The following ZNF670 variants were observed in gnomAD, a reference collection of about 807,000 sequenced individuals.
ZNF670 encodes the protein zinc finger protein 670.
In ZNF670, 7 loss-of-function variants were observed where a neutral mutation model predicts 10.9. The observed-to-expected ratio is 0.64, with a 90% CI of 0.36 to 1.20. ZNF670 has a LOEUF of 1.20. Ranked by LOEUF, ZNF670 falls within the 50% of genes most tolerant of loss-of-function variation. ZNF670 has a pLI of 0.02. For missense variants in ZNF670, 446 were observed against 458.6 expected, an observed-to-expected ratio of 0.97 and a Z score of 0.25; for synonymous variants, 136 against 152.7, an observed-to-expected ratio of 0.89 and a Z score of 0.81.
intron 1 of ZNF670, among the ~76,000 whole-genome samples, chr1:247,073,851 C>T (rs1234641090): frequency 6.6e-6 from 1 of 152,132 alleles, no homozygotes; most frequent in East Asian, 1.9e-4. Context: ...TCCCATCACC[C>T]CTTCCTCAGG....
intron 1 of ZNF670, among the ~76,000 whole-genome samples, chr1:247,062,380 T>C (rs766125232): frequency 3.3e-5 from 5 of 152,174 alleles, no homozygotes; most frequent in Admixed American, 1.3e-4. Flanking sequence ...TGTTAACAAA[T>C]AAAATATAAA....
chr1:247,064,325 G>A (rs1017846274), intron 1 of ZNF670, among the ~76,000 whole-genome samples: 4 of 152,212 alleles, frequency 2.6e-5, no homozygotes, highest in African/African-American at 4.8e-5. Context: ...CTGCTGAATT[G>A]TAGAATGCTA....
At chr1:247,055,867 A>G (rs987774938) in intron 1 of ZNF670, among the ~76,000 whole-genome samples, 1 of 152,240 alleles carries the variant, frequency 6.6e-6, no homozygotes, top group Admixed American at 6.5e-5. Flanking sequence ...AGCTATACTT[A>G]TATCAGATGA....
At chr1:247,071,917 G>T (rs1671125623) in intron 1 of ZNF670, among the ~76,000 whole-genome samples, 1 of 149,302 alleles carries the variant, frequency 6.7e-6, no homozygotes, top group South Asian at 2.1e-4. Flanking sequence ...GAGTGCAGTG[G>T]TGCAATCTCG....
At chr1:247,051,131 A>G (rs1221202131) in intron 1 of ZNF670, among the ~76,000 whole-genome samples, 4 of 150,792 alleles carry the variant, frequency 2.7e-5, no homozygotes, top group South Asian at 2.1e-4. Flanking sequence ...ACATGGTGAA[A>G]CCCCGTCTCT....
At chr1:247,042,716 A>G (rs1670346331) in intron 1 of ZNF670, 1 of 360,594 alleles carries the variant, frequency 2.8e-6, no homozygotes, top group East Asian at 6.8e-5. Context: ...ATGGAGACAG[A>G]CACTTCTGAT....
rs1670250290 is a variant in ZNF670 at position 247,039,346 on chromosome 1, C to T, written c.130+65G>A. On this transcript the variant is annotated intron_variant, in intron 2 of 3. Coordinates refer to ENST00000366503, the MANE Select transcript of ZNF670 (RefSeq NM_033213.5). The stretch of plus-strand genomic sequence containing the variant: ...AAAGTGCTGGGATTACAGGTGTGAG[C>T]CACCACGCCCAGCCAAAACACTTGC... The T allele has an allele frequency of 3.8e-6, 6 of 1,565,568 alleles. No homozygotes were observed. The South Asian group carries it at 4.7e-5, about 12-fold the overall frequency.
intron 1 of ZNF670, among the ~76,000 whole-genome samples, chr1:247,041,926 AAAAGTAGCC>A (rs1368169631): frequency 2.0e-5 from 3 of 152,354 alleles, no homozygotes; most frequent in East Asian, 3.9e-4. Context: ...AAAAATGCAA[AAAAGTAGCC>A]AAACAATCAC....
intron 1 of ZNF670, among the ~76,000 whole-genome samples, chr1:247,077,015 T>A (rs1325664089): frequency 6.6e-6 from 1 of 152,244 alleles, no homozygotes. Context: ...TTGCACCACC[T>A]CACTGGGGTG....
At chr1:247,038,520 A>G in intron 3 of ZNF670, 93 bp from the exon 4 acceptor site, 1 of 1,305,468 alleles carries the variant, frequency 7.7e-7, no homozygotes. Context: ...TGCCATATCT[A>G]AATTGTTTTA....
chr1:247,036,377 G>A lies in ZNF670; in HGVS notation c.*1072C>T, dbSNP rs183534700. ...TAATTCAAAGTAAAAAGTGGGCCAG[G>A]TGTGGTAGCTCATGTCAGTAACCCC... On this transcript the variant is annotated 3_prime_UTR_variant, in exon 4 of 4. Transcript: ENST00000366503. Among the ~76,000 whole-genome samples the A allele has an allele frequency of 1.9e-4, 29 of 152,340 alleles. No individual in the cohort carries two copies. The highest frequency in any genetic ancestry group is 5.9e-5 in the Non-Finnish European group (4 of 68,036).
chr1:247,070,113 T>C (rs558986553), intron 1 of ZNF670, among the ~76,000 whole-genome samples: 2 of 151,996 alleles, frequency 1.3e-5, no homozygotes, highest in South Asian at 4.2e-4. Flanking sequence ...CCCATAAATA[T>C]ACATACTTAG....
chr1:247,040,316 A>G (rs1008906430), intron 1 of ZNF670, among the ~76,000 whole-genome samples: 13 of 152,252 alleles, frequency 8.5e-5, no homozygotes, highest in African/African-American at 3.1e-4. Context: ...ATTTATCTTT[A>G]ATAACAAACA....
chr1:247,064,382 T>C (rs976972725), intron 1 of ZNF670, among the ~76,000 whole-genome samples: 24 of 152,198 alleles, frequency 1.6e-4, no homozygotes, highest in African/African-American at 5.1e-4. Flanking sequence ...GGATAGGGCT[T>C]CACATGCCTC....
Position 247,035,167 on chromosome 1 carries a change from T to G in ZNF670, c.*2282A>C, listed in dbSNP as rs761757118. Among the ~76,000 whole-genome samples, 2 of 152,246 alleles carry G rather than the reference T, an allele frequency of 1.3e-5. No individual in the cohort carries two copies. The highest frequency in any genetic ancestry group is 2.4e-5 in the African/African-American group (1 of 41,462). On this transcript the variant is annotated 3_prime_UTR_variant, in exon 4 of 4. Transcript: ENST00000366503. ...GCTGAAAAGATATCATCAGTCATGGTTGGTTCATTCTGTTGGTAATGCCAA... is the reference window on the plus strand; with the variant it reads ...GCTGAAAAGATATCATCAGTCATGGGTGGTTCATTCTGTTGGTAATGCCAA...
At chr1:247,067,670 G>A (rs1165928316) in intron 1 of ZNF670, among the ~76,000 whole-genome samples, 8 of 147,934 alleles carry the variant, frequency 5.4e-5, no homozygotes, top group African/African-American at 7.5e-5. Context: ...GTGAAACCCC[G>A]TCTCTACTAA....
intron 1 of ZNF670, among the ~76,000 whole-genome samples, chr1:247,042,436 T>C (rs1670336154): frequency 6.6e-6 from 1 of 152,192 alleles, no homozygotes; most frequent in South Asian, 2.1e-4. Context: ...AAATTGACAC[T>C]TGTGGATCCA....
At chr1:247,039,122 A>C (rs1041958792) in intron 2 of ZNF670, among the ~76,000 whole-genome samples, 2 of 142,864 alleles carry the variant, frequency 1.4e-5, no homozygotes, top group African/African-American at 5.4e-5. Context: ...GCAGTGGCTC[A>C]ATCTCGGCTC....
rs544328180 is a variant in ZNF670 at position 247,034,925 on chromosome 1, A to T, written c.*2524T>A. Among the ~76,000 whole-genome samples, 2 of 152,294 alleles carry T rather than the reference A, an allele frequency of 1.3e-5. No individual in the cohort carries two copies. The highest frequency in any genetic ancestry group is 4.8e-5 in the African/African-American group (2 of 41,554). ...TGGGGTACCTTGGAAACTGCCTGCC[A>T]AACACAGGTCAAGGTGGAACATACA... On this transcript the variant is annotated 3_prime_UTR_variant, in exon 4 of 4. Coordinates refer to ENST00000366503, the MANE Select transcript of ZNF670 (RefSeq NM_033213.5).
Sources: allele counts gnomAD v4.1 joint callset (sites outside exome capture counted in the v4.1 genomes callset), GRCh38; gene constraint gnomAD v4.1.1; transcripts MANE v1.5; gene names NCBI Gene and HGNC (gene_info 2026-07-23, HGNC 2026-07-21).